PCDHGA9: variants seen among roughly 807,000 people sequenced by gnomAD.
PCDHGA9 encodes the protein protocadherin gamma-A9.
A neutral mutation model predicts 62.5 loss-of-function variants in PCDHGA9; 37 were observed. The ratio of observed to expected loss-of-function variants is 0.59; its 90% CI spans 0.46 to 0.78. The LOEUF (loss-of-function observed/expected upper bound fraction) is 0.78. Among genes scored for constraint, PCDHGA9 ranks in the 30% least tolerant of loss-of-function variants. The probability of loss-of-function intolerance (pLI) is 0.00; values close to 1 mark genes in which losing one functional copy is unlikely to be tolerated. For missense variants in PCDHGA9, 1,138 were observed against 1,166.2 expected, an observed-to-expected ratio of 0.98 and a Z score of 0.35; for synonymous variants, 459 against 484.6, an observed-to-expected ratio of 0.95 and a Z score of 0.69.
chr5:141,504,949 G>A (rs1234166109), intron 2 of PCDHGA9, among the ~76,000 whole-genome samples: 5 of 152,098 alleles, frequency 3.3e-5, no homozygotes, highest in Non-Finnish European at 1.5e-5. Context: ...AATGCACTAT[G>A]TTCAATGCAT....
intron 1 of PCDHGA9, chr5:141,408,935 G>C (rs773802276): frequency 6.2e-7 from 1 of 1,613,472 alleles, no homozygotes; most frequent in Non-Finnish European, 8.5e-7. Context: ...TTTCAGCAGA[G>C]ACGAATATAG....
chr5:141,443,820 T>C (rs1329478151), intron 1 of PCDHGA9, among the ~76,000 whole-genome samples: 1 of 151,986 alleles, frequency 6.6e-6, no homozygotes. Flanking sequence ...TTGGAAAACA[T>C]AATTAGGTAA....
Position 141,420,431 on chromosome 5 carries a change from A to G in PCDHGA9, c.2424+15055A>G, listed in dbSNP as rs183252328. 8.4e-5 allele frequency: 96 copies of G among 1,148,758 alleles called. No individual in the cohort carries two copies. In the African/African-American group the frequency reaches 1.3e-3, roughly 16 times the overall value. The allele number at this position is 1,148,758 out of a possible 1,614,324, so 71.2% of individuals were successfully genotyped here. Reference sequence around the variant, plus strand: ...TATCATTATTAAAACAAAAGTTTAAATTAAATGCCTCAGTCTTCCTACTAT... The same window carrying G: ...TATCATTATTAAAACAAAAGTTTAAGTTAAATGCCTCAGTCTTCCTACTAT... On this transcript the variant is annotated intron_variant, in intron 1 of 3. Transcript: ENST00000573521.
intron 1 of PCDHGA9, chr5:141,426,875 C>T (rs1005769074): frequency 8.8e-6 from 4 of 456,566 alleles, no homozygotes; most frequent in African/African-American, 4.0e-5. Context: ...TGGAGAAGCC[C>T]CTGGGCCAGG....
chr5:141,419,671 G>T (rs532058652), intron 1 of PCDHGA9: 1 of 1,612,894 alleles, frequency 6.2e-7, no homozygotes, highest in East Asian at 2.2e-5. Context: ...ATGCCTGGCT[G>T]TCCTACCACG....
chr5:141,431,206 G>A lies in PCDHGA9; in HGVS notation c.2424+25830G>A, dbSNP rs17097300. On this transcript the variant is annotated intron_variant, in intron 1 of 3. Coordinates refer to ENST00000573521, the MANE Select transcript of PCDHGA9 (RefSeq NM_018921.3). The surrounding 1 kb of genome is among the most constrained non-coding windows in gnomAD (Gnocchi z 4.8). ...AAATTAGTGAAAATGCAGCCACTGA[G>A]ATGCGGTTCCCTCTACCCCACGCCT... The A allele has an allele frequency of 0.041, 66,767 of 1,614,172 alleles. 3,763 individuals carry two copies. Among genetic ancestry groups the A allele is most frequent in the Admixed American group, 0.27 (16,026 of 60,028 alleles).
chr5:141,443,217 G>A (rs1447455858), intron 1 of PCDHGA9, among the ~76,000 whole-genome samples: 8 of 151,656 alleles, frequency 5.3e-5, no homozygotes, highest in African/African-American at 2.4e-5. Flanking sequence ...CTCGCCAGGC[G>A]CATCTATAAT....
intron 1 of PCDHGA9, chr5:141,427,807 A>C (rs1443881781): frequency 6.6e-7 from 1 of 1,522,050 alleles, no homozygotes; most frequent in South Asian, 1.1e-5. Flanking sequence ...GTGAGCGCAC[A>C]GAGCGGGGTG....
At chr5:141,428,020 C>T (rs1443722620) in intron 1 of PCDHGA9, 1 of 1,605,408 alleles carries the variant, frequency 6.2e-7, no homozygotes, top group Admixed American at 1.7e-5. Context: ...GTGCCACGCG[C>T]CGCAGAGTCC....
chr5:141,433,837 C>CAAA lies in PCDHGA9; in HGVS notation c.2424+28477_2424+28479dup, dbSNP rs56191208. The stretch of plus-strand genomic sequence containing the variant: ...GGGCAACAAGAGTGAAACTCTATCT[C>CAAA]AAAAAAAAAAAAAAAAAACTTTATC... On this transcript the variant is annotated intron_variant, in intron 1 of 3. Transcript: ENST00000573521. 4.3e-3 allele frequency among the ~76,000 whole-genome samples: 475 copies of CAAA among 111,672 alleles called. 6 individuals carry two copies. The highest frequency in any genetic ancestry group is 0.013 in the African/African-American group (431 of 32,292). The allele number at this position is 111,672 out of a possible 152,430, so 73.3% of individuals were successfully genotyped here.
chr5:141,469,155 A>C (rs1342352040), intron 1 of PCDHGA9, among the ~76,000 whole-genome samples: 3 of 152,108 alleles, frequency 2.0e-5, no homozygotes, highest in Admixed American at 1.3e-4. Context: ...ACATGTCTGT[A>C]GTCCCAGCTA....
intron 1 of PCDHGA9, among the ~76,000 whole-genome samples, chr5:141,447,135 G>GT (rs905717632): frequency 9.9e-5 from 15 of 151,698 alleles, no homozygotes; most frequent in African/African-American, 3.4e-4. Flanking sequence ...TTGTTTGTTT[G>GT]TTTTTTGTTT....
intron 1 of PCDHGA9, among the ~76,000 whole-genome samples, chr5:141,483,203 A>G (rs940487337): frequency 6.6e-6 from 1 of 152,204 alleles, no homozygotes; most frequent in Admixed American, 6.5e-5. Flanking sequence ...ATTTTATTCC[A>G]TATAGATGAC....
intron 1 of PCDHGA9, among the ~76,000 whole-genome samples, chr5:141,454,458 G>A (rs535843071): frequency 5.3e-5 from 8 of 152,322 alleles, no homozygotes; most frequent in Non-Finnish European, 1.5e-5. Flanking sequence ...CCAGGCTGGA[G>A]TGCAATGGCA....
chr5:141,434,044 A>T (rs2097670450), intron 1 of PCDHGA9, among the ~76,000 whole-genome samples: 2 of 152,132 alleles, frequency 1.3e-5, no homozygotes, highest in South Asian at 4.1e-4. Flanking sequence ...TTTCTATTTT[A>T]TTCAATGGCC....
intron 1 of PCDHGA9, chr5:141,430,973 A>G: frequency 6.2e-7 from 1 of 1,613,266 alleles, no homozygotes; most frequent in East Asian, 2.2e-5. Flanking sequence ...CAGAGGTAGG[A>G]CGCAGCTTTT....
In PCDHGA9 at chr5:141,486,705, A is replaced by T. The variant is rs2099633722; in HGVS notation, c.2425-8102A>T. On this transcript the variant is annotated intron_variant, in intron 1 of 3. Transcript: ENST00000573521. This position sits in a 1 kb window ranked among gnomAD's most constrained non-coding sequence, Gnocchi z 5.0. ...TCAGCTTCCTCTTTCATCTCTCTGA[A>T]CCCCCAGACAGGAGCTGTTCATGCT... The T allele has an allele frequency of 6.2e-7, 1 of 1,613,844 alleles. No individual in the cohort carries two copies. The highest frequency in any genetic ancestry group is 1.3e-5 in the African/African-American group (1 of 74,910).
At chr5:141,470,485 GAAT>G (rs2099231720) in intron 1 of PCDHGA9, among the ~76,000 whole-genome samples, 1 of 152,074 alleles carries the variant, frequency 6.6e-6, no homozygotes, top group Admixed American at 6.6e-5. Context: ...AACCCTCTGG[GAAT>G]AATATTAGGT....
intron 3 of PCDHGA9, among the ~76,000 whole-genome samples, chr5:141,505,782 T>A (rs1163025757): frequency 6.6e-6 from 1 of 152,204 alleles, no homozygotes; most frequent in Non-Finnish European, 1.5e-5. Context: ...CTAGCTCTGC[T>A]ACTATCCTTG....
Sources: gnomAD v4.1 joint callset for allele counts (sites outside exome capture counted in the v4.1 genomes callset) on GRCh38, gnomAD v4.1.1 for gene constraint, Gnocchi (gnomAD v3.1) non-coding constraint, MANE v1.5 for transcripts, NCBI Gene and HGNC (gene_info 2026-07-23, HGNC 2026-07-21) for gene names.